Variants in HECW2 observed in about 807,000 individuals in gnomAD.
HECW2 encodes E3 ubiquitin-protein ligase HECW2.
A neutral mutation model predicts 175.2 loss-of-function variants in HECW2; 61 were observed. The observed-to-expected ratio is 0.35, with a 90% CI of 0.28 to 0.43. The LOEUF (loss-of-function observed/expected upper bound fraction) is 0.43. Ranked by LOEUF, HECW2 falls within the 20% of genes least tolerant of loss-of-function variation. HECW2 has a pLI of 1.00. For synonymous variants in HECW2, 671 were observed against 731.0 expected (o/e 0.92, Z 1.32); for missense variants, 1,524 against 2,000.5 (o/e 0.76, Z 4.54).
At chr2:196,361,198 G>A (rs995467025) in intron 2 of HECW2, among the ~76,000 whole-genome samples, 3 of 152,040 alleles carry the variant, frequency 2.0e-5, no homozygotes, top group Non-Finnish European at 1.5e-5. Context: ...AATTTTAGAG[G>A]TCTATAGAAA....
intron 2 of HECW2, among the ~76,000 whole-genome samples, chr2:196,369,607 G>A (rs1327989358): frequency 6.6e-6 from 1 of 151,986 alleles, no homozygotes; most frequent in Non-Finnish European, 1.5e-5. Flanking sequence ...TTTCCCTTCA[G>A]GGCAGCAAAA....
At chr2:196,573,534 C>G (rs1341605346) in intron 1 of HECW2, among the ~76,000 whole-genome samples, 1 of 151,930 alleles carries the variant, frequency 6.6e-6, no homozygotes, top group African/African-American at 2.4e-5. Context: ...TCAAAAAGGC[C>G]CTAACCCAGA....
chr2:196,442,328 C>G (rs993714326), intron 1 of HECW2, among the ~76,000 whole-genome samples: 1 of 152,048 alleles, frequency 6.6e-6, no homozygotes, highest in Non-Finnish European at 1.5e-5. Context: ...CATTGAAAAG[C>G]AGTAGTACTC....
intron 1 of HECW2, among the ~76,000 whole-genome samples, chr2:196,476,104 G>C (rs73989940): frequency 1.3e-5 from 2 of 151,862 alleles, no homozygotes; most frequent in African/African-American, 4.8e-5. Context: ...TATCATTTTA[G>C]CAAGCTGTAT....
intron 13 of HECW2, among the ~76,000 whole-genome samples, chr2:196,295,590 T>C (rs1422503296): frequency 8.5e-5 from 13 of 152,216 alleles, no homozygotes; most frequent in Non-Finnish European, 1.9e-4. Context: ...TTGTTCTAAA[T>C]AGGTATACCT....
intron 2 of HECW2, among the ~76,000 whole-genome samples, chr2:196,427,859 A>C (rs1454758176): frequency 6.6e-6 from 1 of 152,150 alleles, no homozygotes; most frequent in Non-Finnish European, 1.5e-5. Context: ...TTCACACCCA[A>C]AGTCTTCTCA....
intron 1 of HECW2, among the ~76,000 whole-genome samples, chr2:196,460,239 G>A (rs1696685747): frequency 6.6e-6 from 1 of 152,230 alleles, no homozygotes; most frequent in Admixed American, 6.5e-5. Flanking sequence ...AGTTTATGGG[G>A]ATGGGCATAA....
intron 1 of HECW2, among the ~76,000 whole-genome samples, chr2:196,493,983 G>T (rs576967307): frequency 6.6e-6 from 1 of 152,172 alleles, no homozygotes; most frequent in African/African-American, 2.4e-5. Context: ...GATAAATTGC[G>T]CTAGAAACAA....
intron 1 of HECW2, among the ~76,000 whole-genome samples, chr2:196,493,756 T>C (rs938220687): frequency 2.0e-5 from 3 of 152,124 alleles, no homozygotes; most frequent in African/African-American, 7.2e-5. Context: ...AGGTGAGAGA[T>C]TATAATCAGG....
At chr2:196,472,926 G>C (rs1440312220) in intron 1 of HECW2, among the ~76,000 whole-genome samples, 3 of 152,276 alleles carry the variant, frequency 2.0e-5, no homozygotes, top group African/African-American at 4.8e-5. Context: ...CAGCTGGAAG[G>C]TAACTTTTTT....
At chr2:196,215,776 A>T in intron 28 of HECW2, 89 bp downstream of exon 28, 1 of 904,264 alleles carries the variant, frequency 1.1e-6, no homozygotes, top group Non-Finnish European at 1.7e-6. Context: ...CAAACTTTTA[A>T]TATAAAAGCA....
At chr2:196,423,708 G>GTGTA (rs1553516083) in intron 2 of HECW2, among the ~76,000 whole-genome samples, 9 of 151,630 alleles carry the variant, frequency 5.9e-5, no homozygotes, top group African/African-American at 2.2e-4. Flanking sequence ...GTGTGTGTGT[G>GTGTA]TGTGTGTTTA....
At chr2:196,487,548 A>G (rs763723250) in intron 1 of HECW2, among the ~76,000 whole-genome samples, 2 of 152,062 alleles carry the variant, frequency 1.3e-5, no homozygotes, top group African/African-American at 2.4e-5. Flanking sequence ...ATGGAACCAC[A>G]CCCCACTCTC....
chr2:196,273,624 G>A (rs1689830740), intron 16 of HECW2, among the ~76,000 whole-genome samples: 1 of 152,086 alleles, frequency 6.6e-6, no homozygotes, highest in African/African-American at 2.4e-5. Flanking sequence ...TTTATTTTGT[G>A]AGGCTGCTAC....
intron 19 of HECW2, among the ~76,000 whole-genome samples, chr2:196,252,329 T>C (rs1233322720): frequency 6.6e-6 from 1 of 152,174 alleles, no homozygotes; most frequent in Non-Finnish European, 1.5e-5. Flanking sequence ...ACTTTCATGC[T>C]TCTGTGGCTT....
At chr2:196,439,273 G>C (rs1333044508) in intron 1 of HECW2, among the ~76,000 whole-genome samples, 1 of 152,194 alleles carries the variant, frequency 6.6e-6, no homozygotes, top group Non-Finnish European at 1.5e-5. Flanking sequence ...TTATGCCTAA[G>C]AGCCTGGGGA....
intron 1 of HECW2, among the ~76,000 whole-genome samples, chr2:196,565,068 A>C (rs1399530025): frequency 3.3e-5 from 5 of 151,706 alleles, no homozygotes; most frequent in African/African-American, 1.2e-4. Flanking sequence ...AAAATTCACC[A>C]CTCTCTTTTG....
At chr2:196,313,406 C>G (rs1691572816) in intron 10 of HECW2, among the ~76,000 whole-genome samples, 1 of 152,194 alleles carries the variant, frequency 6.6e-6, no homozygotes, top group Non-Finnish European at 1.5e-5. Flanking sequence ...ATAATTGAGT[C>G]CAAGCTACTT....
At chr2:196,304,280 G>A (rs969095719) in intron 13 of HECW2, among the ~76,000 whole-genome samples, 1 of 151,982 alleles carries the variant, frequency 6.6e-6, no homozygotes, top group Non-Finnish European at 1.5e-5. Flanking sequence ...ATTTTATGAC[G>A]GCTTGAATGT....
Sources: allele counts gnomAD v4.1 joint callset (sites outside exome capture counted in the v4.1 genomes callset), GRCh38; gene constraint gnomAD v4.1.1; transcripts MANE v1.5; gene names NCBI Gene and HGNC (gene_info 2026-07-23, HGNC 2026-07-21).